CABLES2: variants seen among roughly 807,000 people sequenced by gnomAD.
The protein encoded by CABLES2 is CDK5 and ABL1 enzyme substrate 2.
Under a neutral mutation model 44.8 loss-of-function variants are expected in CABLES2, and 35 were observed. The ratio of observed to expected loss-of-function variants is 0.78; its 90% CI spans 0.60 to 1.04. The LOEUF (loss-of-function observed/expected upper bound fraction) is 1.04, where lower values mean the gene tolerates loss of function less well. Ranked by LOEUF, CABLES2 falls within the 50% of genes least tolerant of loss-of-function variation. CABLES2 has a pLI of 0.00. For missense variants in CABLES2, 566 were observed against 615.7 expected, an observed-to-expected ratio of 0.92 and a Z score of 0.85; for synonymous variants, 282 against 281.1, an observed-to-expected ratio of 1.00 and a Z score of -0.03.
chr20:62,391,348 G>T lies in CABLES2; in HGVS notation c.1197C>A (p.Leu399=). 6.2e-7 allele frequency: 1 copy of T among 1,613,464 alleles called. No homozygotes were observed. The highest frequency in any genetic ancestry group is 1.1e-5 in the South Asian group (1 of 91,086). ...CGCACAGCTTGCGGTTCTGTTTGCTGAGCTTGCCCTGCAGGACCAGCTTCT... is the reference window on the plus strand; with the variant it reads ...CGCACAGCTTGCGGTTCTGTTTGCTTAGCTTGCCCTGCAGGACCAGCTTCT... ...YFEKLVLQGK[L]SKQNRKLCAG... is the part of the protein sequence containing the mutation. Residue 399 remains leucine, a synonymous_variant, in exon 9 of 10, where the codon CTC becomes CTA. Coordinates refer to ENST00000279101, the MANE Select transcript of CABLES2 (RefSeq NM_031215.3). This position sits in a 1 kb window ranked among gnomAD's most constrained non-coding sequence, Gnocchi z 5.7.
Position 62,398,071 on chromosome 20 carries a change from C to CGGTGGTGGTGGTGGTGATGGTGGTGGT in CABLES2, c.363-1480_363-1479insACCACCACCATCACCACCACCACCACC, listed in dbSNP as rs1988080628. 1.1e-3 allele frequency among the ~76,000 whole-genome samples: 75 copies of CGGTGGTGGTGGTGGTGATGGTGGTGGT among 68,294 alleles called. 2 individuals carry two copies. The highest frequency in any genetic ancestry group is 9.2e-3 in the Admixed American group (62 of 6,720). 44.8% of individuals were successfully genotyped at this position (68,294 alleles called of 152,430 possible). ...GTGGTGATGGCGATGGTGGTGGTGA[C>CGGTGGTGGTGGTGGTGATGGTGGTGGT]GGTGGTGGTGGTGGTGACGGTGGTG... On this transcript the variant is annotated intron_variant, in intron 1 of 9. Transcript: ENST00000279101.
At position 62,392,416 on chromosome 20, in the gene CABLES2, A is replaced by G; in HGVS notation, c.1064T>C (p.Val355Ala). 6.2e-7 allele frequency: 1 copy of G among 1,614,070 alleles called. No individual in the cohort carries two copies. Among genetic ancestry groups the G allele is most frequent in the Admixed American group, 1.7e-5 (1 of 60,006 alleles). The change falls in exon 8 of 10, where the codon GTC becomes GCC. Residue 355 changes from valine (V) to alanine (A), a missense_variant. Physicochemically the swap from Val to Ala is moderately conservative, Grantham distance 64. This residue lies in a region of CABLES2 where 436 missense variants were observed against 536.3 expected (regional missense o/e 0.81). Coordinates refer to ENST00000279101, the MANE Select transcript of CABLES2 (RefSeq NM_031215.3). The part of the protein sequence containing the change: ...NETFREKFPH[V>A]KLTLSKIRSL... Reference sequence around the variant, plus strand: ...CCTGATTTTGCTCAGCGTCAGTTTGACATGGGGGAACTTCTCCCTGAAGGT... The same window carrying G: ...CCTGATTTTGCTCAGCGTCAGTTTGGCATGGGGGAACTTCTCCCTGAAGGT...
Position 62,394,847 on chromosome 20 carries a change from G to A in CABLES2, c.605+90C>T. On this transcript the variant is annotated intron_variant, in intron 4 of 9. Coordinates refer to ENST00000279101, the MANE Select transcript of CABLES2 (RefSeq NM_031215.3). ...GGGCAGCCGCACCTGGGGGCGCAGT[G>A]CCCGCTGATGCCTCCTGGGCCTGGC... The A allele has an allele frequency of 3.4e-6, 4 of 1,192,344 alleles. No individual in the cohort carries two copies. In the South Asian group the frequency reaches 5.7e-5, roughly 17 times the overall value. 73.9% of individuals were successfully genotyped at this position (1,192,344 alleles called of 1,614,324 possible).
At chr20:62,393,893 C>G (rs535467583) in intron 5 of CABLES2, among the ~76,000 whole-genome samples, 8 of 152,348 alleles carry the variant, frequency 5.3e-5, no homozygotes, top group Non-Finnish European at 7.3e-5. Context: ...GGTTGGCGAG[C>G]CCCACCCTGC....
At chr20:62,395,856 C>T (rs1988008389) in intron 3 of CABLES2, among the ~76,000 whole-genome samples, 1 of 152,214 alleles carries the variant, frequency 6.6e-6, no homozygotes, top group Non-Finnish European at 1.5e-5. Flanking sequence ...AGGAACAGCC[C>T]CTGCGGCCTC....
intron 4 of CABLES2, among the ~76,000 whole-genome samples, 191 bp from the exon 5 acceptor site, chr20:62,394,456 G>C (rs56256319): frequency 0.057 from 8,749 of 152,184 alleles, 369 homozygotes; most frequent in South Asian, 0.16. Flanking sequence ...AGGGGTTTTT[G>C]AGCCCCGCTT....
In CABLES2 at chr20:62,398,058, ATGG is replaced by A. The variant is rs1333817022; in HGVS notation, c.363-1469_363-1467del. On this transcript the variant is annotated intron_variant, in intron 1 of 9. Transcript: ENST00000279101. ...AGTGATGGTGATGGTGGTGATGGCG[ATGG>A]TGGTGGTGACGGTGGTGGTGGTGGT... Among the ~76,000 whole-genome samples, 506 of 77,208 alleles carry A rather than the reference ATGG, an allele frequency of 6.6e-3. 22 individuals carry two copies. The highest frequency in any genetic ancestry group is 9.1e-3 in the African/African-American group (142 of 15,534). 50.7% of individuals were successfully genotyped at this position (77,208 alleles called of 152,430 possible).
At chr20:62,394,401 T>C (rs2064830) in intron 4 of CABLES2, 136 bp from the exon 5 acceptor site, 174,272 of 663,844 alleles carry the variant, frequency 0.26, 25,361 homozygotes, top group African/African-American at 0.41. Flanking sequence ...AAGGCGGCAC[T>C]GGTGTGACCA....
chr20:62,398,136 G>GTGA (rs1308292884), intron 1 of CABLES2, among the ~76,000 whole-genome samples: 1 of 128,680 alleles, frequency 7.8e-6, no homozygotes, highest in African/African-American at 3.0e-5. Context: ...TATGACGGTG[G>GTGA]TGATGGTGGT....
Position 62,396,306 on chromosome 20 carries a change from G to T in CABLES2, c.527+9C>A, listed in dbSNP as rs751820253. On this transcript the variant is annotated intron_variant, in intron 3 of 9. Coordinates refer to ENST00000279101, the MANE Select transcript of CABLES2 (RefSeq NM_031215.3). This position sits in a 1 kb window ranked among gnomAD's most constrained non-coding sequence, Gnocchi z 5.7. Reference sequence around the variant, plus strand: ...CAGCCCTGGCCCGGTTCCCGGCTCCGCTTCATACCTGCTGTTCCTGGTGTC... The same window carrying T: ...CAGCCCTGGCCCGGTTCCCGGCTCCTCTTCATACCTGCTGTTCCTGGTGTC... 4.3e-6 allele frequency: 7 copies of T among 1,612,474 alleles called. No individual in the cohort carries two copies. Among genetic ancestry groups the T allele is most frequent in the Non-Finnish European group, 5.9e-6 (7 of 1,178,620 alleles).
At chr20:62,406,880 G>C in intron 1 of CABLES2, 35 bp downstream of exon 1, 1 of 1,138,888 alleles carries the variant, frequency 8.8e-7, no homozygotes, top group Non-Finnish European at 1.1e-6. Context: ...CCTGTACCCC[G>C]CGTCCTGGGC....
At chr20:62,398,193 A>ATGGTGGTGACGGTAGTGGTGGTGG (rs1569017836) in intron 1 of CABLES2, among the ~76,000 whole-genome samples, 1 of 30,052 alleles carries the variant, frequency 3.3e-5, no homozygotes, top group African/African-American at 3.9e-4. Context: ...GGTGATGGTG[A>ATGGTGGTGACGGTAGTGGTGGTGG]TGATGGTGGT....
chr20:62,397,468 T>C (rs1205762628), intron 1 of CABLES2, among the ~76,000 whole-genome samples: 2 of 152,168 alleles, frequency 1.3e-5, no homozygotes, highest in African/African-American at 4.8e-5. Flanking sequence ...ATTTGTTGGC[T>C]GAATGACTGT....
rs548174941 is a variant in CABLES2 at position 62,391,987 on chromosome 20, G to A, written c.1091+402C>T. Reference sequence around the variant, plus strand: ...TGTGAGAGCAGAGGCACACCTGGACGGCCTTGGCGAGCACCCAGCATGCCT... The same window carrying A: ...TGTGAGAGCAGAGGCACACCTGGACAGCCTTGGCGAGCACCCAGCATGCCT... On this transcript the variant is annotated intron_variant, in intron 8 of 9. Transcript: ENST00000279101. This position sits in a 1 kb window ranked among gnomAD's most constrained non-coding sequence, Gnocchi z 5.7. 1.8e-3 allele frequency among the ~76,000 whole-genome samples: 275 copies of A among 152,232 alleles called. No individual in the cohort carries two copies. Among genetic ancestry groups the A allele is most frequent in the Middle Eastern group, 0.01 (3 of 294 alleles).
chr20:62,405,566 C>T (rs1988266809), intron 1 of CABLES2: 1 of 152,352 alleles, frequency 6.6e-6, no homozygotes, highest in African/African-American at 2.4e-5. Flanking sequence ...TGTGACGCAA[C>T]CTGCATGTGA....
chr20:62,393,514 C>A lies in CABLES2; in HGVS notation c.806G>T (p.Ser269Ile). The part of the protein sequence containing the change: ...SHGLLPTPRP[S>I]VPRTLPGSRH... ...TGACCCTGGCAGAGTCCGGGGGACA[C>A]TGGGCCGAGGTGTGGGCAGCAGGCC... Residue 269 changes from serine (S) to isoleucine (I), a missense_variant, in exon 6 of 10, where the codon AGT becomes ATT. Physicochemically the swap from Ser to Ile is moderately radical, Grantham distance 142. Coordinates refer to ENST00000279101, the MANE Select transcript of CABLES2 (RefSeq NM_031215.3). The A allele has an allele frequency of 1.2e-6, 2 of 1,613,506 alleles. No individual in the cohort carries two copies. The highest frequency in any genetic ancestry group is 1.7e-6 in the Non-Finnish European group (2 of 1,179,682).
At chr20:62,397,952 A>ACG (rs1569017204) in intron 1 of CABLES2, among the ~76,000 whole-genome samples, 1 of 12,958 alleles carries the variant, frequency 7.7e-5, no homozygotes, top group Non-Finnish European at 1.5e-4. Context: ...TGGTGACGGT[A>ACG]GTGGTGGTGA....
rs545027009 is a variant in CABLES2 at position 62,390,084 on chromosome 20, T to C, written c.*887A>G. The C allele has an allele frequency of 6.6e-6, 1 of 152,174 alleles. No individual in the cohort carries two copies. Among genetic ancestry groups the C allele is most frequent in the South Asian group, 2.1e-4 (1 of 4,806 alleles). 9.4% of individuals were successfully genotyped at this position (152,174 alleles called of 1,614,324 possible). On this transcript the variant is annotated 3_prime_UTR_variant, in exon 10 of 10. Coordinates refer to ENST00000279101, the MANE Select transcript of CABLES2 (RefSeq NM_031215.3). Reference sequence around the variant, plus strand: ...AAAAAAAAAGACCCAAAAAACCAAATCCCAATAAATATGTTATTTTTCTCC... The same window carrying C: ...AAAAAAAAAGACCCAAAAAACCAAACCCCAATAAATATGTTATTTTTCTCC...
At position 62,391,593 on chromosome 20, in the gene CABLES2, C is replaced by T. The variant is rs1987920354; in HGVS notation, c.1092-140G>A. The T allele has an allele frequency of 2.3e-6, 2 of 851,288 alleles. No individual in the cohort carries two copies. The highest frequency in any genetic ancestry group is 3.8e-6 in the Non-Finnish European group (2 of 529,616). The allele number at this position is 851,288 out of a possible 1,614,324, so 52.7% of individuals were successfully genotyped here. On this transcript the variant is annotated intron_variant, in intron 8 of 9. Transcript: ENST00000279101. The surrounding 1 kb of genome is among the most constrained non-coding windows in gnomAD (Gnocchi z 5.7). The stretch of plus-strand genomic sequence containing the variant: ...CCACCGCATCCTTCAGGGGATGGTA[C>T]CCTCCGCCGTACCATGTATAACGCC...
Sources: gnomAD v4.1 joint callset for allele counts (sites outside exome capture counted in the v4.1 genomes callset) on GRCh38, gnomAD v4.1.1 for gene constraint, gnomAD v4.1.1 regional missense constraint, Gnocchi (gnomAD v3.1) non-coding constraint, MANE v1.5 for transcripts, NCBI Gene and HGNC (gene_info 2026-07-23, HGNC 2026-07-21) for gene names.